The following CEP43 variants were observed in gnomAD, a reference collection of about 807,000 sequenced individuals.
CEP43 encodes the protein FGFR1 oncogene partner.
A neutral mutation model predicts 52.6 loss-of-function variants in CEP43; 36 were observed. The observed-to-expected ratio is 0.68, with a 90% CI of 0.52 to 0.90. CEP43 has a LOEUF of 0.90. CEP43 is among the 40% of genes least tolerant of loss of function. The probability of loss-of-function intolerance (pLI) is 0.00; values close to 1 mark genes in which losing one functional copy is unlikely to be tolerated. For missense variants in CEP43, 506 were observed against 472.8 expected (o/e 1.07, Z -0.65); for synonymous variants, 192 against 172.4 (o/e 1.11, Z -0.89).
At chr6:166,999,837 TC>T in intron 1 of CEP43, 1 of 563,624 alleles carries the variant, frequency 1.8e-6, no homozygotes, top group Non-Finnish European at 3.1e-6. Context: ...CAGCGTCTCT[TC>T]CTCAGGCTCG....
intron 10 of CEP43, among the ~76,000 whole-genome samples, chr6:167,031,109 AG>A (rs1487940816): frequency 6.6e-6 from 1 of 152,132 alleles, no homozygotes; most frequent in Non-Finnish European, 1.5e-5. Flanking sequence ...TTAATTTTTG[AG>A]GGGGTCTTGC....
Position 167,040,885 on chromosome 6 carries a change from A to G in CEP43, c.*907A>G. 9.8e-7 allele frequency: 1 copy of G among 1,024,016 alleles called. No individual in the cohort carries two copies. Among genetic ancestry groups the G allele is most frequent in the Non-Finnish European group, 1.2e-6 (1 of 852,314 alleles). The allele number at this position is 1,024,016 out of a possible 1,614,324, so 63.4% of individuals were successfully genotyped here. On this transcript the variant is annotated 3_prime_UTR_variant, in exon 13 of 13. Transcript: ENST00000366847. ...TTGACAAGCTTTATATACTGTACAT[A>G]ATTTCATTGTAACCCTTAAAAATAG...
At position 167,043,581 on chromosome 6, in the gene CEP43, C is replaced by T. The variant is rs1412522540; in HGVS notation, c.*3603C>T. 1 of 151,990 alleles carries T rather than the reference C, an allele frequency of 6.6e-6. No homozygotes were observed. Among genetic ancestry groups the T allele is most frequent in the African/African-American group, 2.4e-5 (1 of 41,364 alleles). 9.4% of individuals were successfully genotyped at this position (151,990 alleles called of 1,614,324 possible). A position where few individuals can be genotyped will look rare whatever the true frequency, so the allele number is the denominator to read the frequency against. On this transcript the variant is annotated 3_prime_UTR_variant, in exon 13 of 13. Coordinates refer to ENST00000366847, the MANE Select transcript of CEP43 (RefSeq NM_007045.4). Reference sequence around the variant, plus strand: ...ATTTTTTTGTAGAGACGGGATTTCACCATGTTGGCCAGGCTGGTCTCAAAC... The same window carrying T: ...ATTTTTTTGTAGAGACGGGATTTCATCATGTTGGCCAGGCTGGTCTCAAAC...
chr6:167,050,884 G>A lies in CEP43; in HGVS notation c.*10906G>A, dbSNP rs1441751217. 1 of 152,040 alleles carries A rather than the reference G, an allele frequency of 6.6e-6. No homozygotes were observed. Among genetic ancestry groups the A allele is most frequent in the Admixed American group, 6.6e-5 (1 of 15,252 alleles). The allele number at this position is 152,040 out of a possible 1,614,324, so 9.4% of individuals were successfully genotyped here. On this transcript the variant is annotated 3_prime_UTR_variant, in exon 13 of 13. Transcript: ENST00000366847. ...TGCCCAGATAGAGCCGATTTATGAG[G>A]ACAGGGAAATTGCAATAGAGAAAGA... is the stretch of plus-strand genomic sequence containing the variant.
At chr6:167,037,095 T>G (rs1010069748) in intron 12 of CEP43, among the ~76,000 whole-genome samples, 1 of 152,226 alleles carries the variant, frequency 6.6e-6, no homozygotes, top group Non-Finnish European at 1.5e-5. Flanking sequence ...CGTGAGTCAC[T>G]GTACCCGGCG....
intron 8 of CEP43, among the ~76,000 whole-genome samples, chr6:167,023,055 G>A (rs1780273933): frequency 6.6e-6 from 1 of 152,164 alleles, no homozygotes; most frequent in African/African-American, 2.4e-5. Context: ...CCAAATTGGA[G>A]GGGGCCTCAC....
At chr6:167,012,524 A>G (rs1261788572) in intron 6 of CEP43, among the ~76,000 whole-genome samples, 4 of 152,234 alleles carry the variant, frequency 2.6e-5, no homozygotes, top group Non-Finnish European at 5.9e-5. Context: ...AGAAAAATTA[A>G]AATTAATGAA....
At chr6:167,010,685 T>A in intron 5 of CEP43, 128 bp from the exon 6 acceptor site, 1 of 478,180 alleles carries the variant, frequency 2.1e-6, no homozygotes, top group South Asian at 5.0e-5. Flanking sequence ...AAAGGATGGT[T>A]ACTTTAATAA....
intron 8 of CEP43, among the ~76,000 whole-genome samples, chr6:167,022,846 T>C (rs754215129): frequency 2.0e-5 from 3 of 150,656 alleles, no homozygotes; most frequent in Admixed American, 1.3e-4. Context: ...TAAGTGTAGA[T>C]TGAGTGTCAG....
chr6:167,029,077 GTTTT>G (rs1780413308), intron 10 of CEP43, among the ~76,000 whole-genome samples: 1 of 151,996 alleles, frequency 6.6e-6, no homozygotes, highest in South Asian at 2.1e-4. Context: ...GTGTTTTTTT[GTTTT>G]TTTGTTTTTT....
chr6:167,000,469 A>G (rs561944671), intron 2 of CEP43, among the ~76,000 whole-genome samples: 60 of 152,356 alleles, frequency 3.9e-4, no homozygotes, highest in Non-Finnish European at 6.5e-4. Context: ...GGTATATAGT[A>G]TGCAACTTTT....
intron 7 of CEP43, among the ~76,000 whole-genome samples, chr6:167,021,081 A>G (rs9459843): frequency 9.0e-6 from 1 of 111,228 alleles, no homozygotes. Context: ...AGAAAAAAAA[A>G]AAAAAGAAAA....
At chr6:167,033,839 C>A in intron 11 of CEP43, 36 bp from the exon 12 acceptor site, 2 of 1,009,964 alleles carry the variant, frequency 2.0e-6, no homozygotes, top group Non-Finnish European at 3.0e-6. Flanking sequence ...TGTTTATTTT[C>A]AGAGTTCTTA....
intron 7 of CEP43, among the ~76,000 whole-genome samples, chr6:167,017,907 A>G (rs1159616374): frequency 6.6e-6 from 1 of 152,196 alleles, no homozygotes; most frequent in Admixed American, 6.5e-5. Flanking sequence ...TTTTTGTTAT[A>G]AATGACTTGA....
chr6:167,001,767 T>C (rs917625201), intron 2 of CEP43, among the ~76,000 whole-genome samples: 2 of 152,224 alleles, frequency 1.3e-5, no homozygotes, highest in African/African-American at 2.4e-5. Flanking sequence ...AGTGCTCTGC[T>C]GCCTCCTTTG....
At chr6:167,032,563 C>T (rs762740132) in intron 10 of CEP43, 40 bp from the exon 11 acceptor site, 13 of 1,484,766 alleles carry the variant, frequency 8.8e-6, no homozygotes, top group African/African-American at 4.2e-5. Flanking sequence ...TAAATTGTGA[C>T]GCACATTAGA....
In CEP43 at chr6:167,048,419, A is replaced by C. The variant is rs1780829486; in HGVS notation, c.*8441A>C. On this transcript the variant is annotated 3_prime_UTR_variant, in exon 13 of 13. Coordinates refer to ENST00000366847, the MANE Select transcript of CEP43 (RefSeq NM_007045.4). The stretch of plus-strand genomic sequence containing the variant: ...ATGGCACATGCCTGTGGTCCCAGCT[A>C]CTCGGGAGGCTGAGGCAGGAGGATT... 2 of 152,144 alleles carry C rather than the reference A, an allele frequency of 1.3e-5. No homozygotes were observed. The highest frequency in any genetic ancestry group is 2.9e-5 in the Non-Finnish European group (2 of 68,062). The allele number at this position is 152,144 out of a possible 1,614,324, so 9.4% of individuals were successfully genotyped here. A position where few individuals can be genotyped will look rare whatever the true frequency, so the allele number is the denominator to read the frequency against.
At chr6:167,014,246 C>T (rs867970430) in intron 7 of CEP43, among the ~76,000 whole-genome samples, 23 of 152,182 alleles carry the variant, frequency 1.5e-4, no homozygotes, top group South Asian at 4.1e-4. Context: ...AAAAATTAAA[C>T]GTATTTCCTC....
At chr6:167,003,530 C>G (rs1290433720) in intron 3 of CEP43, 193 bp from the exon 4 acceptor site, 2 of 559,750 alleles carry the variant, frequency 3.6e-6, no homozygotes, top group Non-Finnish European at 6.3e-6. Flanking sequence ...TAGTTACAGA[C>G]TGATGATCCC....
Sources: allele counts gnomAD v4.1 joint callset (sites outside exome capture counted in the v4.1 genomes callset), GRCh38; gene constraint gnomAD v4.1.1; transcripts MANE v1.5; gene names NCBI Gene and HGNC (gene_info 2026-07-23, HGNC 2026-07-21).